Variants in ANO10 observed in about 807,000 individuals in gnomAD.
ANO10 encodes the protein anoctamin 10.
A neutral mutation model predicts 74.7 loss-of-function variants in ANO10; 77 were observed. The observed-to-expected ratio is 1.03, with a 90% CI of 0.86 to 1.25. The LOEUF is 1.25. ANO10 is among the 50% of genes most tolerant of loss of function. ANO10 has a pLI of 0.00. For synonymous variants in ANO10, 279 were observed against 284.9 expected (o/e 0.98, Z 0.21); for missense variants, 721 against 778.1 (o/e 0.93, Z 0.87).
At chr3:43,632,628 TC>T (rs1306468590) in intron 1 of ANO10, among the ~76,000 whole-genome samples, 3 of 152,262 alleles carry the variant, frequency 2.0e-5, no homozygotes, top group African/African-American at 7.2e-5. Flanking sequence ...GAGTATGCCA[TC>T]TGTTTCCTGC....
At chr3:43,440,202 T>C (rs1460646057) in intron 11 of ANO10, among the ~76,000 whole-genome samples, 1 of 152,100 alleles carries the variant, frequency 6.6e-6, no homozygotes, top group East Asian at 1.9e-4. Flanking sequence ...GCTCTATCAG[T>C]AATTACTTTA....
rs753407149 is a variant in ANO10 at position 43,577,101 on chromosome 3, G to A, written c.753C>T (p.Leu251=). ...DKYVIFASFN[L]IWSTVILELW... ...GTTCCAGAATCACCGTGGACCAGAT[G>A]AGGTTGAACGAGGCAAAGATCACGT... The change falls in exon 6 of 13, where the codon CTC becomes CTT. Residue 251 remains leucine, a synonymous_variant. Coordinates refer to ENST00000292246, the MANE Select transcript of ANO10 (RefSeq NM_018075.5). The A allele has an allele frequency of 6.2e-7, 1 of 1,614,044 alleles. No individual in the cohort carries two copies. The highest frequency in any genetic ancestry group is 8.5e-7 in the Non-Finnish European group (1 of 1,180,034).
chr3:43,432,791 T>C (rs2093004433), intron 11 of ANO10, 64 bp from the exon 12 acceptor site: 8 of 1,074,228 alleles, frequency 7.4e-6, no homozygotes, highest in Non-Finnish European at 1.0e-5. Context: ...GGAAATAAAT[T>C]GATATCTAAG....
At chr3:43,578,901 C>T (rs17075840) in intron 5 of ANO10, among the ~76,000 whole-genome samples, 3,429 of 151,972 alleles carry the variant, frequency 0.023, 89 homozygotes, top group African/African-American at 0.062. Context: ...ATTGTATGAC[C>T]TGGAATTAAC....
At chr3:43,438,198 C>A (rs2093102212) in intron 11 of ANO10, among the ~76,000 whole-genome samples, 1 of 152,062 alleles carries the variant, frequency 6.6e-6, no homozygotes, top group Non-Finnish European at 1.5e-5. Context: ...CTTTGGGAGG[C>A]CAAGGTGGAG....
intron 11 of ANO10, among the ~76,000 whole-genome samples, chr3:43,439,232 T>C (rs1191300694): frequency 6.6e-6 from 1 of 151,640 alleles, no homozygotes; most frequent in African/African-American, 2.4e-5. Flanking sequence ...CAAGATGATA[T>C]ATTCAAAGTA....
chr3:43,488,035 C>A (rs1175637423), intron 11 of ANO10, among the ~76,000 whole-genome samples: 1 of 152,176 alleles, frequency 6.6e-6, no homozygotes, highest in Non-Finnish European at 1.5e-5. Flanking sequence ...ACTATCTGAT[C>A]TTTGAAAAAC....
chr3:43,488,479 A>C (rs952467848), intron 11 of ANO10, among the ~76,000 whole-genome samples: 2 of 151,760 alleles, frequency 1.3e-5, no homozygotes, highest in African/African-American at 4.8e-5. Flanking sequence ...ACAAGAAAAA[A>C]ACAAACAACC....
At chr3:43,615,891 G>A (rs954413230) in intron 1 of ANO10, among the ~76,000 whole-genome samples, 1 of 152,046 alleles carries the variant, frequency 6.6e-6, no homozygotes, top group African/African-American at 2.4e-5. Flanking sequence ...CTGACCTTGT[G>A]ATCCGCCCGC....
intron 8 of ANO10, 63 bp from the exon 9 acceptor site, chr3:43,561,465 T>C (rs1467192688): frequency 7.3e-7 from 1 of 1,379,122 alleles, no homozygotes; most frequent in East Asian, 2.5e-5. Context: ...AGCATTTGTA[T>C]AAATTATATA....
Position 43,651,706 on chromosome 3 carries a change from A to G in ANO10, c.-12+39811T>C, listed in dbSNP as rs541823148. ...AAAAACATTTAAGATTTTTCCAATC[A>G]TGCCTTCAACCATTCTATGTTGAAT... On this transcript the variant is annotated intron_variant, in intron 1 of 3. Transcript: ENST00000413397. Among the ~76,000 whole-genome samples, 236 of 152,340 alleles carry G rather than the reference A, an allele frequency of 1.5e-3. 1 individual carries two copies. The highest frequency in any genetic ancestry group is 5.1e-3 in the African/African-American group (213 of 41,576).
intron 3 of ANO10, 137 bp from the exon 4 acceptor site, chr3:43,598,803 T>A: frequency 1.4e-6 from 1 of 707,090 alleles, no homozygotes; most frequent in Non-Finnish European, 2.2e-6. Flanking sequence ...GCTGGTAAAT[T>A]AAATAGAACA....
chr3:43,483,282 A>AT (rs1278599030), intron 11 of ANO10, among the ~76,000 whole-genome samples: 1 of 152,246 alleles, frequency 6.6e-6, no homozygotes, highest in Admixed American at 6.5e-5. Context: ...CCTTTTACTC[A>AT]TAAGTTTAGT....
intron 11 of ANO10, among the ~76,000 whole-genome samples, chr3:43,491,095 C>T (rs2076702926): frequency 6.6e-6 from 1 of 152,160 alleles, no homozygotes; most frequent in Non-Finnish European, 1.5e-5. Flanking sequence ...ATGCGTACAA[C>T]TCCAGTAAAC....
chr3:43,567,283 C>A (rs2080416915), intron 7 of ANO10, among the ~76,000 whole-genome samples: 2 of 151,834 alleles, frequency 1.3e-5, no homozygotes, highest in South Asian at 4.2e-4. Context: ...AGGAGAACTT[C>A]CCCAATCTAG....
At chr3:43,531,280 A>T (rs1296094516) in intron 11 of ANO10, among the ~76,000 whole-genome samples, 1 of 152,194 alleles carries the variant, frequency 6.6e-6, no homozygotes, top group Non-Finnish European at 1.5e-5. Flanking sequence ...ACAATCTTTA[A>T]ATTACACGTT....
intron 12 of ANO10, among the ~76,000 whole-genome samples, chr3:43,395,500 A>C (rs2092359461): frequency 6.6e-6 from 1 of 152,094 alleles, no homozygotes; most frequent in Admixed American, 6.5e-5. Context: ...ATTTTTTTGC[A>C]CATGAATATC....
intron 1 of ANO10, among the ~76,000 whole-genome samples, chr3:43,679,515 C>G (rs964785098): frequency 1.3e-5 from 2 of 152,224 alleles, no homozygotes; most frequent in African/African-American, 4.8e-5. Context: ...CCTCTGGGGG[C>G]AGGGCATAGC....
chr3:43,544,580 G>T (rs2079096087), intron 11 of ANO10, among the ~76,000 whole-genome samples: 1 of 152,016 alleles, frequency 6.6e-6, no homozygotes, highest in East Asian at 1.9e-4. Flanking sequence ...ATCACTTGAG[G>T]TCAGGAGTTC....
Sources: allele counts gnomAD v4.1 joint callset (sites outside exome capture counted in the v4.1 genomes callset), GRCh38; gene constraint gnomAD v4.1.1; transcripts MANE v1.5; gene names NCBI Gene and HGNC (gene_info 2026-07-23, HGNC 2026-07-21).